Variants in FTO observed in about 807,000 individuals in gnomAD.
The protein encoded by FTO is alpha-ketoglutarate-dependent dioxygenase FTO.
FTO carries 47 observed loss-of-function variants against 63.9 expected under a neutral mutation model. The observed-to-expected ratio is 0.74, with a 90% CI of 0.58 to 0.94. The LOEUF (loss-of-function observed/expected upper bound fraction) is 0.94, where lower values mean the gene tolerates loss of function less well. FTO is among the 40% of genes least tolerant of loss of function. The probability of loss-of-function intolerance (pLI) is 0.00; values close to 1 mark genes in which losing one functional copy is unlikely to be tolerated. For synonymous variants in FTO, 207 were observed against 224.4 expected (o/e 0.92, Z 0.69); for missense variants, 562 against 618.1 (o/e 0.91, Z 0.96).
intron 8 of FTO, among the ~76,000 whole-genome samples, chr16:54,109,409 C>T (rs2086826173): frequency 1.3e-5 from 2 of 152,214 alleles, no homozygotes; most frequent in African/African-American, 4.8e-5. Flanking sequence ...TGGCTCACTG[C>T]AACCTCCGCC....
At chr16:53,801,834 A>G (rs1598700077) in intron 1 of FTO, among the ~76,000 whole-genome samples, 1 of 151,668 alleles carries the variant, frequency 6.6e-6, no homozygotes, top group Non-Finnish European at 1.5e-5. Context: ...AACTCGGCTC[A>G]CTGCAACCTC....
intron 1 of FTO, among the ~76,000 whole-genome samples, chr16:53,705,149 C>T (rs1378749741): frequency 6.6e-6 from 1 of 152,102 alleles, no homozygotes; most frequent in Non-Finnish European, 1.5e-5. Context: ...CCTTCTCTCC[C>T]TTCCCTCAAC....
At chr16:54,017,945 G>GA (rs1374031993) in intron 8 of FTO, among the ~76,000 whole-genome samples, 1 of 151,752 alleles carries the variant, frequency 6.6e-6, no homozygotes, top group Non-Finnish European at 1.5e-5. Context: ...AAGAAAGCAG[G>GA]AAAAAAATAA....
Position 53,704,239 on chromosome 16 carries a change from G to C in FTO, c.45+10G>C. On this transcript the variant is annotated intron_variant, in intron 1 of 8. Coordinates refer to ENST00000471389, the MANE Select transcript of FTO (RefSeq NM_001080432.3). ...AGAGCGCGAAGCTAAGGTATGTCGG[G>C]CTCCCGGGGCCTGGAGATCTTCGTG... 1 of 1,551,364 alleles carries C rather than the reference G, an allele frequency of 6.4e-7. No homozygotes were observed. The highest frequency in any genetic ancestry group is 1.2e-5 in the South Asian group (1 of 84,052).
At chr16:54,008,934 C>T (rs1274235487) in intron 8 of FTO, among the ~76,000 whole-genome samples, 2 of 151,722 alleles carry the variant, frequency 1.3e-5, no homozygotes, top group African/African-American at 4.8e-5. Flanking sequence ...TTTGTTTGGT[C>T]TCAGGAGTTC....
intron 6 of FTO, among the ~76,000 whole-genome samples, chr16:53,883,640 A>AAAAAAAAC (rs1567396642): frequency 2.0e-5 from 3 of 150,196 alleles, no homozygotes; most frequent in African/African-American, 7.4e-5. Flanking sequence ...AAAAAACAAA[A>AAAAAAAAC]AAAAAAAAAC....
At chr16:53,983,758 C>T (rs1369681449) in intron 8 of FTO, among the ~76,000 whole-genome samples, 1 of 152,132 alleles carries the variant, frequency 6.6e-6, no homozygotes, top group East Asian at 1.9e-4. Flanking sequence ...TCTAAGAGGA[C>T]AACCAGCACT....
chr16:53,880,038 AG>A, intron 6 of FTO, 51 bp downstream of exon 6: 1 of 1,399,202 alleles, frequency 7.1e-7, no homozygotes, highest in South Asian at 1.2e-5. Flanking sequence ...TCTGTCACCC[AG>A]GCTGGAGTGC....
intron 8 of FTO, among the ~76,000 whole-genome samples, chr16:54,000,282 C>T (rs1455989314): frequency 1.2e-4 from 18 of 152,048 alleles, no homozygotes; most frequent in Admixed American, 3.9e-4. Context: ...TATATTCCAA[C>T]GGTCAACAGG....
At chr16:54,111,708 G>T (rs2086892430) in intron 8 of FTO, 54 bp from the exon 9 acceptor site, 8 of 1,601,428 alleles carry the variant, frequency 5.0e-6, no homozygotes, top group Non-Finnish European at 6.8e-6. Context: ...CTGTGGGTTG[G>T]GGTCTTCTGG....
intron 7 of FTO, among the ~76,000 whole-genome samples, chr16:53,927,455 A>G (rs1206151762): frequency 1.3e-5 from 2 of 152,172 alleles, no homozygotes; most frequent in Non-Finnish European, 2.9e-5. Context: ...TTTAAGGAAG[A>G]TAGTCAGTTG....
At chr16:53,877,260 T>C (rs947290660) in intron 5 of FTO, among the ~76,000 whole-genome samples, 7 of 152,216 alleles carry the variant, frequency 4.6e-5, no homozygotes, top group Admixed American at 3.9e-4. Context: ...TCTACAGGAA[T>C]GTTCATAATC....
chr16:53,966,683 G>A (rs779520643), intron 8 of FTO, among the ~76,000 whole-genome samples: 2 of 152,148 alleles, frequency 1.3e-5, no homozygotes, highest in African/African-American at 4.8e-5. Context: ...TCTATTTAGA[G>A]GTGGACCAAG....
intron 5 of FTO, among the ~76,000 whole-genome samples, chr16:53,875,519 A>G (rs1021332409): frequency 2.0e-5 from 3 of 152,220 alleles, no homozygotes; most frequent in Non-Finnish European, 4.4e-5. Context: ...TTCTACTGCT[A>G]CTACTGTCTT....
intron 8 of FTO, among the ~76,000 whole-genome samples, chr16:54,040,976 T>A (rs1372736754): frequency 2.0e-5 from 3 of 152,228 alleles, no homozygotes; most frequent in African/African-American, 7.2e-5. Flanking sequence ...GTACAGCTAT[T>A]AGTAAAATGA....
chr16:53,883,170 C>T (rs1567395769), intron 6 of FTO, among the ~76,000 whole-genome samples: 1 of 152,204 alleles, frequency 6.6e-6, no homozygotes, highest in East Asian at 1.9e-4. Context: ...CAGTGTCAGA[C>T]TAGCAGAATG....
intron 8 of FTO, among the ~76,000 whole-genome samples, chr16:53,973,619 C>G (rs1246741879): frequency 4.6e-5 from 7 of 152,082 alleles, no homozygotes; most frequent in African/African-American, 1.7e-4. Context: ...AGAGCTCAGT[C>G]TCACTGTGTG....
At chr16:53,963,214 G>A (rs540107218) in intron 8 of FTO, among the ~76,000 whole-genome samples, 2 of 152,252 alleles carry the variant, frequency 1.3e-5, no homozygotes, top group African/African-American at 4.8e-5. Context: ...AGCTGCATGT[G>A]TGCATTTCAG....
At chr16:53,843,379 T>G (rs2079528792) in intron 3 of FTO, among the ~76,000 whole-genome samples, 1 of 152,254 alleles carries the variant, frequency 6.6e-6, no homozygotes, top group South Asian at 2.1e-4. Context: ...GTTTTCAAAC[T>G]GATGTTTTCT....
Sources: gnomAD v4.1 joint callset for allele counts (sites outside exome capture counted in the v4.1 genomes callset) on GRCh38, gnomAD v4.1.1 for gene constraint, MANE v1.5 for transcripts, NCBI Gene and HGNC (gene_info 2026-07-23, HGNC 2026-07-21) for gene names.